Variants in SUSD4 observed in about 807,000 individuals in gnomAD.
The protein encoded by SUSD4 is sushi domain-containing protein 4.
In SUSD4, 41 loss-of-function variants were observed where a neutral mutation model predicts 50.5. That is an observed-to-expected ratio of 0.81 (90% confidence interval 0.63 to 1.05). The LOEUF (loss-of-function observed/expected upper bound fraction) is 1.05, where lower values mean the gene tolerates loss of function less well. Ranked by LOEUF, SUSD4 falls within the 50% of genes least tolerant of loss-of-function variation. SUSD4 has a pLI of 0.00. For missense variants in SUSD4, 580 were observed against 634.7 expected (o/e 0.91, Z 0.93); for synonymous variants, 257 against 257.3 (o/e 1.00, Z 0.01).
chr1:223,308,075 T>C (rs1665654317), intron 2 of SUSD4, among the ~76,000 whole-genome samples: 2 of 152,214 alleles, frequency 1.3e-5, no homozygotes, highest in South Asian at 2.1e-4. Flanking sequence ...GTTTTCATCT[T>C]TTTTTAAGGC....
At chr1:223,289,643 C>A (rs1202252997) in intron 3 of SUSD4, among the ~76,000 whole-genome samples, 3 of 152,194 alleles carry the variant, frequency 2.0e-5, no homozygotes, top group African/African-American at 7.2e-5. Flanking sequence ...AGCCCGGGGG[C>A]TGCAACAGGT....
At chr1:223,292,985 G>T (rs1186596289) in intron 2 of SUSD4, among the ~76,000 whole-genome samples, 1 of 152,216 alleles carries the variant, frequency 6.6e-6, no homozygotes, top group Non-Finnish European at 1.5e-5. Flanking sequence ...GGGAACAGTA[G>T]GTGGGAGGGA....
chr1:223,346,472 G>GCAAAT (rs1168249031), intron 2 of SUSD4, among the ~76,000 whole-genome samples: 2 of 152,120 alleles, frequency 1.3e-5, no homozygotes, highest in African/African-American at 4.8e-5. Flanking sequence ...ACGTTAGCTG[G>GCAAAT]CAAATCCATC....
intron 2 of SUSD4, among the ~76,000 whole-genome samples, chr1:223,333,665 C>T (rs2103278439): frequency 6.6e-6 from 1 of 152,270 alleles, no homozygotes; most frequent in Non-Finnish European, 1.5e-5. Context: ...CTTGCAGAGC[C>T]ATGGAGTCCC....
chr1:223,233,221 T>C (rs1660006324), intron 5 of SUSD4, among the ~76,000 whole-genome samples: 1 of 152,168 alleles, frequency 6.6e-6, no homozygotes, highest in African/African-American at 2.4e-5. Context: ...ATTTTCCCCT[T>C]AAGTAGAAAC....
intron 5 of SUSD4, among the ~76,000 whole-genome samples, chr1:223,254,478 G>A (rs943581766): frequency 6.6e-6 from 1 of 152,292 alleles, no homozygotes. Flanking sequence ...GCTGAGACAG[G>A]AGCCTGCCAA....
chr1:223,333,884 G>A (rs560183237), intron 2 of SUSD4, among the ~76,000 whole-genome samples: 1 of 152,236 alleles, frequency 6.6e-6, no homozygotes, highest in South Asian at 2.1e-4. Flanking sequence ...CGGAGAAAAC[G>A]AAAAGCCTTA....
At chr1:223,240,149 T>C (rs888191838) in intron 5 of SUSD4, among the ~76,000 whole-genome samples, 11 of 152,322 alleles carry the variant, frequency 7.2e-5, no homozygotes, top group African/African-American at 2.6e-4. Context: ...AAGTCAGATA[T>C]AATTCTTATC....
chr1:223,311,164 A>C (rs1254588771), intron 2 of SUSD4, among the ~76,000 whole-genome samples: 1 of 152,250 alleles, frequency 6.6e-6, no homozygotes, highest in Non-Finnish European at 1.5e-5. Flanking sequence ...CCGAGGAAAA[A>C]GCAGTCGTCT....
chr1:223,339,835 C>A (rs1314559033), intron 2 of SUSD4, among the ~76,000 whole-genome samples: 2 of 152,234 alleles, frequency 1.3e-5, no homozygotes, highest in Non-Finnish European at 2.9e-5. Context: ...TCCCCCAGGA[C>A]TGGCTGGGCC....
intron 3 of SUSD4, among the ~76,000 whole-genome samples, chr1:223,289,752 T>G (rs17538964): frequency 0.28 from 42,651 of 152,108 alleles, 7,435 homozygotes; most frequent in Non-Finnish European, 0.4. Context: ...AATGAGGGCT[T>G]GAATTACGTG....
At chr1:223,268,780 C>T (rs1662705413) in intron 3 of SUSD4, 105 bp from the exon 4 acceptor site, 2 of 1,161,232 alleles carry the variant, frequency 1.7e-6, no homozygotes, top group Admixed American at 2.3e-5. Flanking sequence ...TCAACCTACA[C>T]AGCAATCTGA....
chr1:223,313,912 G>A (rs1453943979), intron 2 of SUSD4, among the ~76,000 whole-genome samples: 2 of 152,002 alleles, frequency 1.3e-5, no homozygotes, highest in East Asian at 3.9e-4. Context: ...AAAAGGAGAG[G>A]AACCCTCAGT....
rs1353783791 is a variant in SUSD4 at position 223,337,500 on chromosome 1, G to A, written c.148+25778C>T. ...CTAAGTAATGAACTCCTGTAAATAC[G>A]GGTGGGGAGGTAATGGAAGTTCTTG... is the stretch of plus-strand genomic sequence containing the variant. On this transcript the variant is annotated intron_variant, in intron 2 of 8. Transcript: ENST00000366878. 7.2e-5 allele frequency among the ~76,000 whole-genome samples: 11 copies of A among 152,164 alleles called. No homozygotes were observed. In the South Asian group the frequency reaches 1.2e-3, roughly 17 times the overall value.
chr1:223,296,120 T>C (rs1664808526), intron 2 of SUSD4, among the ~76,000 whole-genome samples: 1 of 152,040 alleles, frequency 6.6e-6, no homozygotes. Context: ...AGGGCAGGCA[T>C]TTGAGAACTG....
chr1:223,222,070 G>C lies in SUSD4; in HGVS notation c.*122C>G, dbSNP rs965821258. 1.1e-5 allele frequency: 10 copies of C among 908,370 alleles called. No individual in the cohort carries two copies. The South Asian group carries it at 1.5e-4, about 14-fold the overall frequency. The allele number at this position is 908,370 out of a possible 1,614,324, so 56.3% of individuals were successfully genotyped here. A position where few individuals can be genotyped will look rare whatever the true frequency, so the allele number is the denominator to read the frequency against. On this transcript the variant is annotated 3_prime_UTR_variant, in exon 9 of 9. Coordinates refer to ENST00000366878, the MANE Select transcript of SUSD4 (RefSeq NM_017982.4). ...GAGCCTGAGATGCATAATGTGAACT[G>C]TGGTCCCCATGTAGACAAGTTAGAC...
intron 2 of SUSD4, among the ~76,000 whole-genome samples, chr1:223,320,908 T>C (rs1666534643): frequency 6.6e-6 from 1 of 152,222 alleles, no homozygotes; most frequent in Non-Finnish European, 1.5e-5. Context: ...CTGTGTGAAG[T>C]GGTATTTCCT....
At chr1:223,316,938 C>T (rs533101737) in intron 2 of SUSD4, among the ~76,000 whole-genome samples, 32 of 152,192 alleles carry the variant, frequency 2.1e-4, no homozygotes, top group African/African-American at 6.7e-4. Context: ...TTGGAGATGA[C>T]GATGAGTCTG....
chr1:223,319,673 C>T (rs970112150), intron 2 of SUSD4, among the ~76,000 whole-genome samples: 2 of 152,216 alleles, frequency 1.3e-5, no homozygotes, highest in African/African-American at 4.8e-5. Context: ...GGAGGGAATA[C>T]AGCGGCCCTT....
Sources: gnomAD v4.1 joint callset for allele counts (sites outside exome capture counted in the v4.1 genomes callset) on GRCh38, gnomAD v4.1.1 for gene constraint, MANE v1.5 for transcripts, NCBI Gene and HGNC (gene_info 2026-07-23, HGNC 2026-07-21) for gene names.